Variants in MCOLN2 observed in about 807,000 individuals in gnomAD.
MCOLN2 encodes the protein mucolipin TRP cation channel 2.
A neutral mutation model predicts 67.5 loss-of-function variants in MCOLN2; 57 were observed. That is an observed-to-expected ratio of 0.84 (90% CI 0.68 to 1.05). The LOEUF (loss-of-function observed/expected upper bound fraction) is 1.05, where lower values mean the gene tolerates loss of function less well. Ranked by LOEUF, MCOLN2 falls within the 50% of genes least tolerant of loss-of-function variation. The pLI, the probability that MCOLN2 is intolerant of heterozygous loss-of-function variation, is 0.00. For synonymous variants in MCOLN2, 246 were observed against 233.3 expected (o/e 1.05, Z -0.50); for missense variants, 620 against 678.8 (o/e 0.91, Z 0.96).
rs114294178 is a variant in MCOLN2 at position 84,948,428 on chromosome 1, T to C, written c.748-1296A>G. Among the ~76,000 whole-genome samples the C allele has an allele frequency of 4.0e-3, 616 of 152,350 alleles. 7 individuals are homozygous for C. The highest frequency in any genetic ancestry group is 0.013 in the African/African-American group (531 of 41,576). On this transcript the variant is annotated intron_variant, in intron 6 of 13. Coordinates refer to ENST00000370608, the MANE Select transcript of MCOLN2 (RefSeq NM_153259.4). Reference sequence around the variant, plus strand: ...ACCAACCAACACCCTAGGGCCCATCTACAGGAAAAAGTCTATCCCTGTGAA... The same window carrying C: ...ACCAACCAACACCCTAGGGCCCATCCACAGGAAAAAGTCTATCCCTGTGAA...
rs1432942992 is a variant in MCOLN2 at position 84,933,130 on chromosome 1, A to G, written c.1336-1562T>C. Among the ~76,000 whole-genome samples the G allele has an allele frequency of 2.6e-5, 4 of 152,132 alleles. No homozygotes were observed. The East Asian group carries it at 7.7e-4, about 29-fold the overall frequency. The stretch of plus-strand genomic sequence containing the variant: ...TTCTTCTTTCTCTTCTCTGTGTCCA[A>G]TTAAGCCAATGTTCAAGGGTCATTT... On this transcript the variant is annotated intron_variant, in intron 11 of 13. Transcript: ENST00000370608.
chr1:84,989,613 A>G (rs1650785992), intron 1 of MCOLN2, among the ~76,000 whole-genome samples: 1 of 152,148 alleles, frequency 6.6e-6, no homozygotes, highest in African/African-American at 2.4e-5. Flanking sequence ...AATATATAGG[A>G]TTTTTAAAAT....
At chr1:84,958,897 C>T (rs540645919) in intron 2 of MCOLN2, among the ~76,000 whole-genome samples, 195 bp from the exon 3 acceptor site, 1 of 152,222 alleles carries the variant, frequency 6.6e-6, no homozygotes, top group East Asian at 1.9e-4. Context: ...ATCAGCAATT[C>T]AAAGTAGCAT....
intron 8 of MCOLN2, among the ~76,000 whole-genome samples, chr1:84,940,492 C>T (rs546077569): frequency 1.3e-5 from 2 of 152,156 alleles, no homozygotes; most frequent in Non-Finnish European, 2.9e-5. Context: ...TTTACCATGC[C>T]TCCCTGTCAA....
At chr1:84,936,016 C>T (rs538820954) in intron 11 of MCOLN2, among the ~76,000 whole-genome samples, 1 of 152,284 alleles carries the variant, frequency 6.6e-6, no homozygotes, top group East Asian at 1.9e-4. Context: ...GGTCAAAGCA[C>T]AGGTACTGGA....
Position 84,965,669 on chromosome 1 carries a change from T to A in MCOLN2, c.117A>T (p.Glu39Asp). 3.7e-6 allele frequency: 6 copies of A among 1,613,844 alleles called. No homozygotes were observed. Among genetic ancestry groups the A allele is most frequent in the Non-Finnish European group, 5.1e-6 (6 of 1,179,880 alleles). Residue 39 changes from glutamate (E) to aspartate (D), a missense_variant, in exon 2 of 14, where the codon GAA becomes GAT. Coordinates refer to ENST00000370608, the MANE Select transcript of MCOLN2 (RefSeq NM_153259.4). The stretch of plus-strand genomic sequence containing the variant: ...AAAACTTCAGGTCTTCCCTTAGACA[T>A]TCTTCTTTCATCTCAGAATCACGAT... ...MAHRDSEMKE[E>D]CLREDLKFYF...
At chr1:84,952,425 A>G (rs1326273153) in intron 5 of MCOLN2, 21 bp downstream of exon 5, 1 of 1,587,482 alleles carries the variant, frequency 6.3e-7, no homozygotes, top group Non-Finnish European at 8.7e-7. Flanking sequence ...CTTAGGGAAT[A>G]ACACTTTAAA....
chr1:84,958,407 G>T, intron 3 of MCOLN2, 122 bp downstream of exon 3: 4 of 691,210 alleles, frequency 5.8e-6, no homozygotes, highest in African/African-American at 1.9e-5. Flanking sequence ...AACATTTTTT[G>T]GCAGACTGCA....
In MCOLN2 at chr1:84,946,943, T is replaced by G. The variant is rs1161351844; in HGVS notation, c.847+90A>C. The G allele has an allele frequency of 5.9e-6, 4 of 673,520 alleles. No individual in the cohort carries two copies. In the East Asian group the frequency reaches 1.0e-4, roughly 17 times the overall value. The allele number at this position is 673,520 out of a possible 1,614,324, so 41.7% of individuals were successfully genotyped here. Reference sequence around the variant, plus strand: ...CGAGGCGGTTTTCTTCCTATTATCATGCAAACAAACCATTTAAATACCCCA... The same window carrying G: ...CGAGGCGGTTTTCTTCCTATTATCAGGCAAACAAACCATTTAAATACCCCA... On this transcript the variant is annotated intron_variant, in intron 7 of 13. Coordinates refer to ENST00000370608, the MANE Select transcript of MCOLN2 (RefSeq NM_153259.4).
At chr1:84,954,465 T>C (rs1387260459) in intron 4 of MCOLN2, among the ~76,000 whole-genome samples, 1 of 152,218 alleles carries the variant, frequency 6.6e-6, no homozygotes, top group Admixed American at 6.5e-5. Context: ...CTGGACTTTA[T>C]ATATTCTCTC....
At position 84,939,662 on chromosome 1, in the gene MCOLN2, A is replaced by G. The variant is rs772604468; in HGVS notation, c.1001T>C (p.Val334Ala). ...NFFLEKYKRP[V>A]CDTDQWEFIN... ...GAACTCCCACTGGTCGGTGTCACAC[A>G]CAGGCCGCTTGTACTTCTCCAGGAA... The change falls in exon 9 of 14, where the codon GTG (valine) becomes GCG (alanine). Residue 334 changes from valine (V) to alanine (A), a missense_variant. Coordinates refer to ENST00000370608, the MANE Select transcript of MCOLN2 (RefSeq NM_153259.4). The G allele has an allele frequency of 5.0e-6, 8 of 1,614,128 alleles. No homozygotes were observed. In the South Asian group the frequency reaches 8.8e-5, roughly 18 times the overall value.
chr1:84,951,565 T>G (rs1463710849), intron 6 of MCOLN2, among the ~76,000 whole-genome samples: 1 of 152,220 alleles, frequency 6.6e-6, no homozygotes, highest in East Asian at 1.9e-4. Flanking sequence ...TTTGAAAATA[T>G]TTGCTATAAC....
chr1:84,956,266 T>C (rs1319225662), intron 4 of MCOLN2, among the ~76,000 whole-genome samples, 165 bp downstream of exon 4: 2 of 152,150 alleles, frequency 1.3e-5, no homozygotes. Context: ...ACCCCACAGT[T>C]TCCTGAGCCA....
intron 1 of MCOLN2, among the ~76,000 whole-genome samples, chr1:84,987,584 A>ATATATCTATG (rs1650661976): frequency 1.7e-5 from 1 of 58,762 alleles, no homozygotes; most frequent in Non-Finnish European, 3.2e-5. Context: ...ATACATAGAT[A>ATATATCTATG]TATACATATG....
chr1:84,947,213 C>A, intron 6 of MCOLN2, 81 bp from the exon 7 acceptor site: 2 of 757,572 alleles, frequency 2.6e-6, no homozygotes, highest in South Asian at 1.5e-5. Flanking sequence ...AAAAAAAAAT[C>A]ACTGGCATCC....
rs115579755 is a variant in MCOLN2 at position 84,941,874 on chromosome 1, G to C, written c.848-883C>G. Among the ~76,000 whole-genome samples the C allele has an allele frequency of 4.7e-3, 711 of 152,214 alleles. 8 individuals are homozygous for C. The highest frequency in any genetic ancestry group is 4.3e-3 in the Non-Finnish European group (291 of 68,006). On this transcript the variant is annotated intron_variant, in intron 7 of 13. Transcript: ENST00000370608. ...GAGTGGTAATCAGATTTTTGGTTTG[G>C]AGCACACAGCAGCAAGAAGAATGTA...
intron 1 of MCOLN2, among the ~76,000 whole-genome samples, chr1:84,994,109 G>A (rs1651032008): frequency 6.6e-6 from 1 of 152,188 alleles, no homozygotes; most frequent in Non-Finnish European, 1.5e-5. Flanking sequence ...TTTCTGAGCA[G>A]TAGGTCTCAA....
rs146916035 is a variant in MCOLN2, at chr1:84,926,478, A to G, written c.*207T>C. The G allele has an allele frequency of 2.5e-3, 1,026 of 408,238 alleles. 11 individuals are homozygous for G. Among genetic ancestry groups the G allele is most frequent in the African/African-American group, 0.017 (841 of 49,156 alleles). The allele number at this position is 408,238 out of a possible 1,614,324, so 25.3% of individuals were successfully genotyped here. On this transcript the variant is annotated 3_prime_UTR_variant, in exon 14 of 14. Transcript: ENST00000370608. ...TTATATTGCACTAATGCCCAGTAGT[A>G]GCCCATGGTCTATTCTTTATCATTC... is the stretch of plus-strand genomic sequence containing the variant.
rs143736949 is a variant in MCOLN2 at position 84,981,740 on chromosome 1, C to T, written c.77+15056G>A. 2.0e-5 allele frequency among the ~76,000 whole-genome samples: 3 copies of T among 152,082 alleles called. No individual in the cohort carries two copies. The East Asian group carries it at 5.8e-4, about 29-fold the overall frequency. ...TACAAAGAGAAAGAATGAATAAGAC[C>T]TAGTATTTGATAGCACTCCAAGGTG... On this transcript the variant is annotated intron_variant, in intron 1 of 13. Transcript: ENST00000370608.
Sources: allele counts gnomAD v4.1 joint callset (sites outside exome capture counted in the v4.1 genomes callset), GRCh38; gene constraint gnomAD v4.1.1; transcripts MANE v1.5; gene names NCBI Gene and HGNC (gene_info 2026-07-23, HGNC 2026-07-21).